Variants in PEX2 observed in about 807,000 individuals in gnomAD.
PEX2 encodes the protein peroxisomal biogenesis factor 2.
PEX2 carries 19 observed loss-of-function variants against 25.2 expected under a neutral mutation model. The ratio of observed to expected loss-of-function variants is 0.75; its 90% CI spans 0.53 to 1.10. The LOEUF (loss-of-function observed/expected upper bound fraction) is 1.10, where lower values mean the gene tolerates loss of function less well. Among genes scored for constraint, PEX2 ranks in the 50% least tolerant of loss-of-function variants. PEX2 has a pLI of 0.00. For missense variants in PEX2, 347 were observed against 350.6 expected (o/e 0.99, Z 0.08); for synonymous variants, 141 against 127.7 (o/e 1.10, Z -0.70).
intron 1 of PEX2, among the ~76,000 whole-genome samples, chr8:76,999,506 A>G (rs888552472): frequency 6.6e-6 from 1 of 152,240 alleles, no homozygotes; most frequent in Admixed American, 6.5e-5. Context: ...CTCTTCCTCC[A>G]TAAGAAAACC....
rs1806790038 is a variant in PEX2, at chr8:76,980,614, G to C, written c.*2647C>G. The C allele has an allele frequency of 6.6e-6, 1 of 152,196 alleles. No individual in the cohort carries two copies. Among genetic ancestry groups the C allele is most frequent in the Non-Finnish European group, 1.5e-5 (1 of 68,046 alleles). The allele number at this position is 152,196 out of a possible 1,614,324, so 9.4% of individuals were successfully genotyped here. On this transcript the variant is annotated 3_prime_UTR_variant, in exon 4 of 4. Coordinates refer to ENST00000357039, the MANE Select transcript of PEX2 (RefSeq NM_000318.3). ...TGTGCACATAATCCAAGGCAGACCA[G>C]TAACAGTGAGCTCCTGGACTTTAGC...
chr8:76,984,336 G>T, intron 3 of PEX2, 141 bp from the exon 4 acceptor site: 2 of 622,168 alleles, frequency 3.2e-6, no homozygotes, highest in South Asian at 4.2e-5. Context: ...AAATAGTACA[G>T]CGAATAATCA....
intron 1 of PEX2, among the ~76,000 whole-genome samples, chr8:76,993,467 T>C (rs980438106): frequency 7.9e-5 from 12 of 152,124 alleles, no homozygotes; most frequent in Admixed American, 7.9e-4. Context: ...GGTCAAAAAT[T>C]CCCAGTGCTT....
rs1806778283 is a variant in PEX2, at chr8:76,980,344, C to G, written c.*2917G>C. 1 of 152,228 alleles carries G rather than the reference C, an allele frequency of 6.6e-6. No individual in the cohort carries two copies. Among genetic ancestry groups the G allele is most frequent in the Non-Finnish European group, 1.5e-5 (1 of 68,046 alleles). 9.4% of individuals were successfully genotyped at this position (152,228 alleles called of 1,614,324 possible). On this transcript the variant is annotated 3_prime_UTR_variant, in exon 4 of 4. Transcript: ENST00000357039. Reference sequence around the variant, plus strand: ...TCCAGTTACTTATGAATGTCCTTATCAAGCTAGATCACTGGTAAAATGAGA... The same window carrying G: ...TCCAGTTACTTATGAATGTCCTTATGAAGCTAGATCACTGGTAAAATGAGA...
chr8:77,000,601 G>A (rs957991187), upstream of PEX2, among the ~76,000 whole-genome samples: 1 of 152,206 alleles, frequency 6.6e-6, no homozygotes, highest in African/African-American at 2.4e-5. Flanking sequence ...TGCTGCGCTT[G>A]GAGACCTGCC....
chr8:76,986,218 T>C lies in PEX2; in HGVS notation c.-49A>G, dbSNP rs1282068513. The C allele has an allele frequency of 6.6e-6, 1 of 152,214 alleles. No individual in the cohort carries two copies. Among genetic ancestry groups the C allele is most frequent in the East Asian group, 1.9e-4 (1 of 5,198 alleles). 9.4% of individuals were successfully genotyped at this position (152,214 alleles called of 1,614,324 possible). On this transcript the variant is annotated 5_prime_UTR_variant, in exon 3 of 4. Coordinates refer to ENST00000357039, the MANE Select transcript of PEX2 (RefSeq NM_000318.3). Reference sequence around the variant, plus strand: ...CCTGTTCCTGCAGCTCCCTCAAGACTGGACAGCCTATAGCTATGACAGTGG... The same window carrying C: ...CCTGTTCCTGCAGCTCCCTCAAGACCGGACAGCCTATAGCTATGACAGTGG...
At chr8:76,993,778 C>A (rs918980278) in intron 1 of PEX2, among the ~76,000 whole-genome samples, 1 of 152,156 alleles carries the variant, frequency 6.6e-6, no homozygotes, top group Non-Finnish European at 1.5e-5. Flanking sequence ...CAGCCACCCA[C>A]TCCTGCAATT....
intron 1 of PEX2, among the ~76,000 whole-genome samples, chr8:76,991,000 C>A (rs1807154426): frequency 6.6e-6 from 1 of 152,160 alleles, no homozygotes; most frequent in Non-Finnish European, 1.5e-5. Flanking sequence ...GAGGTGTGAA[C>A]TAGGCTATAC....
At position 76,989,991 on chromosome 8, in the gene PEX2, A is replaced by G. The variant is rs116188036; in HGVS notation, c.-159-1653T>C. Among the ~76,000 whole-genome samples, 1,484 of 152,274 alleles carry G rather than the reference A, an allele frequency of 9.7e-3. 15 individuals carry two copies. The highest frequency in any genetic ancestry group is 0.034 in the African/African-American group (1,423 of 41,560). The stretch of plus-strand genomic sequence containing the variant: ...GTTACATGGCATTTTCTTCCAATAT[A>G]AGCCTTTTGTCTATCTTGAAAATAT... On this transcript the variant is annotated intron_variant, in intron 1 of 3. Transcript: ENST00000357039.
intron 1 of PEX2, among the ~76,000 whole-genome samples, chr8:76,994,566 T>C (rs1807266663): frequency 6.6e-6 from 1 of 152,162 alleles, no homozygotes; most frequent in African/African-American, 2.4e-5. Context: ...GTATTACCAT[T>C]AGGCATATTT....
chr8:76,999,795 TAGG>T (rs1563614354), intron 1 of PEX2, 192 bp downstream of exon 1: 1 of 455,796 alleles, frequency 2.2e-6, no homozygotes, highest in Non-Finnish European at 4.4e-6. Context: ...AAAACATCTT[TAGG>T]AGTTTAGGTT....
intron 1 of PEX2, among the ~76,000 whole-genome samples, chr8:76,992,769 T>C (rs7006841): frequency 0.98 from 149,475 of 152,298 alleles, 73,369 homozygotes; most frequent in Middle Eastern, 0.99. Context: ...TCCTAGGTAC[T>C]AGAGATTCAA....
intron 1 of PEX2, among the ~76,000 whole-genome samples, chr8:76,994,773 T>C (rs1016591233): frequency 6.6e-6 from 1 of 152,206 alleles, no homozygotes; most frequent in Admixed American, 6.5e-5. Context: ...ATCTTAAATG[T>C]TCTGGCAATC....
At chr8:76,992,955 G>A (rs1451838825) in intron 1 of PEX2, among the ~76,000 whole-genome samples, 2 of 152,168 alleles carry the variant, frequency 1.3e-5, no homozygotes, top group Non-Finnish European at 2.9e-5. Flanking sequence ...TAAGGCAAGG[G>A]AACAGGCTGT....
At chr8:76,996,519 A>G (rs1346819367) in intron 1 of PEX2, among the ~76,000 whole-genome samples, 1 of 152,246 alleles carries the variant, frequency 6.6e-6, no homozygotes, top group Non-Finnish European at 1.5e-5. Context: ...ACTATGGGAA[A>G]AACACTAGTG....
rs767740481 is a variant in PEX2, at chr8:76,983,822, T to G, written c.357A>C (p.Arg119=). ...CTIGGRWLEE[R]CYDLFRNHHL... ...GATGGTTTCGAAACAAATCATAGCA[T>G]CGTTCTTCTAACCACCTGCCACCAA... is the stretch of plus-strand genomic sequence containing the variant. Residue 119 remains arginine, a synonymous_variant, in exon 4 of 4, where the codon CGA becomes CGC. Coordinates refer to ENST00000357039, the MANE Select transcript of PEX2 (RefSeq NM_000318.3). 6.2e-7 allele frequency: 1 copy of G among 1,614,190 alleles called. No individual in the cohort carries two copies. The highest frequency in any genetic ancestry group is 1.1e-5 in the South Asian group (1 of 91,084).
chr8:76,987,165 T>C (rs1276002563), intron 2 of PEX2, among the ~76,000 whole-genome samples: 2 of 152,160 alleles, frequency 1.3e-5, no homozygotes, highest in African/African-American at 4.8e-5. Flanking sequence ...TCAACCCTTG[T>C]GGAGGGTTGT....
At chr8:76,990,666 C>T (rs1438104674) in intron 1 of PEX2, among the ~76,000 whole-genome samples, 3 of 152,044 alleles carry the variant, frequency 2.0e-5, no homozygotes, top group Non-Finnish European at 2.9e-5. Flanking sequence ...GTTAAGTTCA[C>T]CATCTTATAT....
Position 76,983,700 on chromosome 8 carries a change from C to A in PEX2, c.479G>T (p.Arg160Met), listed in dbSNP as rs758839959. The stretch of plus-strand genomic sequence containing the variant: ...TTCTGTCAAAGTTGCAAACTTTCCC[C>A]TCTGAAGGAAAATCAAAAAATTAAT... ...GLINFLIFLQ[R>M]GKFATLTERL... The change falls in exon 4 of 4, where the codon AGG becomes ATG. Residue 160 changes from arginine to methionine, a missense_variant. Arg to Met is a moderately conservative substitution (Grantham distance 91). Coordinates refer to ENST00000357039, the MANE Select transcript of PEX2 (RefSeq NM_000318.3). The A allele has an allele frequency of 6.2e-7, 1 of 1,614,080 alleles. No homozygotes were observed. Among genetic ancestry groups the A allele is most frequent in the Admixed American group, 1.7e-5 (1 of 60,022 alleles).
Sources: allele counts gnomAD v4.1 joint callset (sites outside exome capture counted in the v4.1 genomes callset), GRCh38; gene constraint gnomAD v4.1.1; transcripts MANE v1.5; gene names NCBI Gene and HGNC (gene_info 2026-07-23, HGNC 2026-07-21).